The following ACYP2 variants were observed in gnomAD, a reference collection of about 807,000 sequenced individuals.
The protein encoded by ACYP2 is acylphosphatase 2, also known as acylphosphatase-2.
Under a neutral mutation model 11.2 loss-of-function variants are expected in ACYP2, and 12 were observed. The ratio of observed to expected loss-of-function variants is 1.08; its 90% confidence interval spans 0.69 to 1.74. ACYP2 has a LOEUF of 1.74. Among genes scored for constraint, ACYP2 ranks in the 40% most tolerant of loss-of-function variants. The pLI, the probability that ACYP2 is intolerant of heterozygous loss-of-function variation, is 0.00. For missense variants in ACYP2, 134 were observed against 101.9 expected, an observed-to-expected ratio of 1.31 and a Z score of -1.35; for synonymous variants, 43 against 32.2, an observed-to-expected ratio of 1.33 and a Z score of -1.13.
At chr2:54,168,594 A>G (rs1269918534) in intron 6 of ACYP2, among the ~76,000 whole-genome samples, 1 of 146,572 alleles carries the variant, frequency 6.8e-6, no homozygotes, top group Non-Finnish European at 1.5e-5. Flanking sequence ...CAGATACATT[A>G]CGGGGATAAT....
At chr2:54,001,636 C>T (rs1672807042) in intron 2 of ACYP2, among the ~76,000 whole-genome samples, 2 of 152,134 alleles carry the variant, frequency 1.3e-5, no homozygotes, top group South Asian at 2.1e-4. Context: ...TCAGGTGATC[C>T]ACTCACCTCG....
intron 2 of ACYP2, chr2:54,029,705 G>T (rs193055694): frequency 1.7e-4 from 97 of 558,984 alleles, no homozygotes; most frequent in Admixed American, 3.0e-4. Flanking sequence ...TAATTCTCTT[G>T]GCAGGAATCT....
At chr2:54,089,495 T>A (rs974901885) in intron 4 of ACYP2, among the ~76,000 whole-genome samples, 3 of 152,030 alleles carry the variant, frequency 2.0e-5, no homozygotes, top group African/African-American at 7.2e-5. Flanking sequence ...TCTCGTAATC[T>A]CAGCACTTTG....
At chr2:54,029,397 T>TTA (rs58205643) in intron 2 of ACYP2, among the ~76,000 whole-genome samples, 3,430 of 151,358 alleles carry the variant, frequency 0.023, 124 homozygotes, top group African/African-American at 0.079. Flanking sequence ...ACTTTTTTTT[T>TTA]CCGTCCAGAG....
chr2:54,049,125 G>A (rs987804407), intron 2 of ACYP2, among the ~76,000 whole-genome samples: 2 of 152,130 alleles, frequency 1.3e-5, no homozygotes, highest in African/African-American at 4.8e-5. Flanking sequence ...ACCAGGCGTG[G>A]TGGTGCATGC....
chr2:54,011,884 G>T (rs1673391843), intron 2 of ACYP2, among the ~76,000 whole-genome samples: 1 of 152,026 alleles, frequency 6.6e-6, no homozygotes, highest in African/African-American at 2.4e-5. Flanking sequence ...TAGCTTTTAG[G>T]TTGTCTACCT....
At position 54,266,267 on chromosome 2, in the gene ACYP2, ACACT is replaced by A. The variant is rs575082303; in HGVS notation, c.405-38418_405-38415del. The stretch of plus-strand genomic sequence containing the variant: ...ATATGAGTAAACAAGATCCACCAAC[ACACT>A]CAATCATTTACCACAACCCACTGGA... On this transcript the variant is annotated intron_variant, in intron 6 of 6. Coordinates refer to ENST00000607452, the MANE Select transcript of ACYP2 (RefSeq NM_001320586.2). Among the ~76,000 whole-genome samples the A allele has an allele frequency of 5.9e-5, 9 of 152,316 alleles. No individual in the cohort carries two copies. In the South Asian group the frequency reaches 1.7e-3, roughly 28 times the overall value.
intron 4 of ACYP2, among the ~76,000 whole-genome samples, chr2:54,099,591 G>A (rs944572052): frequency 2.0e-5 from 3 of 152,156 alleles, no homozygotes; most frequent in Non-Finnish European, 4.4e-5. Context: ...ATTCATCCAT[G>A]TTGTCACGAA....
chr2:54,171,021 C>T (rs539729434), intron 6 of ACYP2, among the ~76,000 whole-genome samples: 3 of 152,212 alleles, frequency 2.0e-5, no homozygotes, highest in African/African-American at 4.8e-5. Flanking sequence ...TCAAGACTAT[C>T]GGGAGGGCTC....
At chr2:54,206,875 T>C (rs1685092707) in intron 6 of ACYP2, among the ~76,000 whole-genome samples, 1 of 152,212 alleles carries the variant, frequency 6.6e-6, no homozygotes, top group Non-Finnish European at 1.5e-5. Flanking sequence ...TTTGAAAACT[T>C]TGTAAATTTG....
At chr2:54,058,238 G>T (rs189961210) in intron 4 of ACYP2, among the ~76,000 whole-genome samples, 1 of 149,528 alleles carries the variant, frequency 6.7e-6, no homozygotes, top group Non-Finnish European at 1.5e-5. Context: ...TTGGGGGCAG[G>T]GTTATCAGTT....
chr2:54,113,240 C>CT lies in ACYP2; in HGVS notation c.278-22197dup, dbSNP rs60452262. Among the ~76,000 whole-genome samples the CT allele has an allele frequency of 3.8e-3, 537 of 140,050 alleles. 5 individuals are homozygous for CT. The highest frequency in any genetic ancestry group is 8.8e-3 in the East Asian group (42 of 4,800). 91.9% of individuals were successfully genotyped at this position (140,050 alleles called of 152,430 possible). ...GTCTGCATGAGTTCAGTAGAGATGA[C>CT]TTTTTTTTTTTTTTTTGGAGACAGG... On this transcript the variant is annotated intron_variant, in intron 4 of 6. Transcript: ENST00000607452.
intron 2 of ACYP2, among the ~76,000 whole-genome samples, chr2:54,025,051 C>A (rs1179933139): frequency 6.6e-6 from 1 of 152,074 alleles, no homozygotes; most frequent in East Asian, 1.9e-4. Context: ...AGATGAAAGA[C>A]CTCTACAAGG....
At chr2:54,230,753 AATTT>A (rs1233868101) in intron 6 of ACYP2, among the ~76,000 whole-genome samples, 8 of 151,598 alleles carry the variant, frequency 5.3e-5, no homozygotes, top group Non-Finnish European at 1.2e-4. Context: ...AAGATGTTGG[AATTT>A]ATTTAAAGCC....
chr2:53,995,488 T>TATTATTTA (rs1553350323), intron 2 of ACYP2, among the ~76,000 whole-genome samples: 4 of 145,070 alleles, frequency 2.8e-5, no homozygotes, highest in Non-Finnish European at 6.0e-5. Context: ...TTTATTTATT[T>TATTATTTA]TTTATTTATT....
At chr2:53,986,440 G>C (rs1054095114) in intron 2 of ACYP2, among the ~76,000 whole-genome samples, 1 of 151,670 alleles carries the variant, frequency 6.6e-6, no homozygotes, top group South Asian at 2.1e-4. Context: ...GGGTTCAAGC[G>C]ATTCTCCTGC....
At chr2:54,209,292 G>A (rs1685226046) in intron 6 of ACYP2, among the ~76,000 whole-genome samples, 1 of 151,904 alleles carries the variant, frequency 6.6e-6, no homozygotes, top group African/African-American at 2.4e-5. Context: ...TTATTTTATA[G>A]TTAATAATTG....
At chr2:54,275,653 T>A (rs1320670769) in intron 6 of ACYP2, among the ~76,000 whole-genome samples, 1 of 152,198 alleles carries the variant, frequency 6.6e-6, no homozygotes, top group East Asian at 1.9e-4. Context: ...TCAGTGTGAA[T>A]CAGCTTTGTG....
intron 4 of ACYP2, among the ~76,000 whole-genome samples, chr2:54,099,990 G>A (rs1678807735): frequency 6.6e-6 from 1 of 152,162 alleles, no homozygotes; most frequent in South Asian, 2.1e-4. Flanking sequence ...TCTAACAGGT[G>A]TGAGGCGGTA....
Sources: gnomAD v4.1 joint callset for allele counts (sites outside exome capture counted in the v4.1 genomes callset) on GRCh38, gnomAD v4.1.1 for gene constraint, MANE v1.5 for transcripts, NCBI Gene and HGNC (gene_info 2026-07-23, HGNC 2026-07-21) for gene names.